The following PLEKHA5 variants were observed in gnomAD, a reference collection of about 807,000 sequenced individuals.
PLEKHA5 encodes the protein pleckstrin homology domain containing A5, also known as pleckstrin homology domain-containing family A member 5.
Under a neutral mutation model 181.9 loss-of-function variants are expected in PLEKHA5, and 55 were observed. That is an observed-to-expected ratio of 0.30 (90% CI 0.24 to 0.38). PLEKHA5 has a LOEUF of 0.38. Among genes scored for constraint, PLEKHA5 ranks in the 10% least tolerant of loss-of-function variants. The pLI is 1.00. For synonymous variants in PLEKHA5, 535 were observed against 529.4 expected, an observed-to-expected ratio of 1.01 and a Z score of -0.15; for missense variants, 1,432 against 1,549.5, an observed-to-expected ratio of 0.92 and a Z score of 1.27.
chr12:19,221,091 C>G (rs949728918), intron 3 of PLEKHA5, among the ~76,000 whole-genome samples: 2 of 152,130 alleles, frequency 1.3e-5, no homozygotes, highest in African/African-American at 4.8e-5. Context: ...TTGGCAGTCT[C>G]TTACTGAAGT....
At chr12:19,290,102 C>T (rs1416146962) in intron 13 of PLEKHA5, among the ~76,000 whole-genome samples, 1 of 151,998 alleles carries the variant, frequency 6.6e-6, no homozygotes, top group African/African-American at 2.4e-5. Flanking sequence ...GCCACCATGC[C>T]TGGCTAATTT....
At chr12:19,320,657 T>C (rs2090410333) in intron 18 of PLEKHA5, 33 bp downstream of exon 18, 2 of 942,094 alleles carry the variant, frequency 2.1e-6, no homozygotes, top group South Asian at 3.7e-5. Flanking sequence ...TGGTCAGTAC[T>C]CTGTCGTATT....
chr12:19,278,188 G>T (rs16915312), intron 11 of PLEKHA5, among the ~76,000 whole-genome samples: 10,925 of 152,188 alleles, frequency 0.072, 529 homozygotes, highest in African/African-American at 0.13. Flanking sequence ...TTCCAAAGAT[G>T]ACAGAAGAGC....
chr12:19,279,250 A>AT (rs1253343451), intron 11 of PLEKHA5, among the ~76,000 whole-genome samples: 1 of 152,134 alleles, frequency 6.6e-6, no homozygotes, highest in Non-Finnish European at 1.5e-5. Context: ...AAATAGAGGG[A>AT]TTTTTTTAAA....
intron 15 of PLEKHA5, chr12:19,306,422 G>A (rs1454781657): frequency 7.2e-6 from 4 of 554,682 alleles, no homozygotes; most frequent in South Asian, 1.5e-5. Flanking sequence ...AGGTGGCGAC[G>A]GCGACTGGAG....
chr12:19,320,207 A>G (rs1255027713), intron 17 of PLEKHA5, among the ~76,000 whole-genome samples, 151 bp downstream of exon 17: 1 of 152,074 alleles, frequency 6.6e-6, no homozygotes, highest in African/African-American at 2.4e-5. Context: ...TAATTTAAGT[A>G]TTTGATTTGA....
At chr12:19,179,828 C>CT (rs931362902) in intron 3 of PLEKHA5, among the ~76,000 whole-genome samples, 1 of 151,942 alleles carries the variant, frequency 6.6e-6, no homozygotes, top group African/African-American at 2.4e-5. Flanking sequence ...CAATAATAAC[C>CT]TTTTTTAGCT....
chr12:19,177,891 G>T (rs1439140853), intron 3 of PLEKHA5, among the ~76,000 whole-genome samples: 2 of 152,206 alleles, frequency 1.3e-5, no homozygotes, highest in Non-Finnish European at 2.9e-5. Context: ...ACTTTTCTGT[G>T]ATGTAGCCAG....
rs575248430 is a variant in PLEKHA5 at position 19,375,878 on chromosome 12, A to T, written c.*359A>T. 308 of 151,892 alleles carry T rather than the reference A, an allele frequency of 2.0e-3. 3 individuals are homozygous for T. Among genetic ancestry groups the T allele is most frequent in the South Asian group, 8.4e-4 (4 of 4,790 alleles). The allele number at this position is 151,892 out of a possible 1,614,324, so 9.4% of individuals were successfully genotyped here. ...TAAGTCTAGGTGAATTTATATATAT[A>T]TTTTTTTGCTTTTCATTTTCTAAAG... On this transcript the variant is annotated 3_prime_UTR_variant, in exon 32 of 32. Transcript: ENST00000429027.
intron 3 of PLEKHA5, among the ~76,000 whole-genome samples, chr12:19,148,898 C>T (rs548482431): frequency 1.3e-5 from 2 of 152,276 alleles, no homozygotes; most frequent in African/African-American, 4.8e-5. Context: ...CAGCCCCTCC[C>T]CTCCATTATT....
At chr12:19,366,913 A>G (rs2095437892) in intron 30 of PLEKHA5, among the ~76,000 whole-genome samples, 1 of 151,988 alleles carries the variant, frequency 6.6e-6, no homozygotes, top group Non-Finnish European at 1.5e-5. Flanking sequence ...ACTCTTCACA[A>G]ATCTTTTCTT....
At chr12:19,157,716 G>A (rs2042080899) in intron 3 of PLEKHA5, among the ~76,000 whole-genome samples, 1 of 152,122 alleles carries the variant, frequency 6.6e-6, no homozygotes, top group African/African-American at 2.4e-5. Flanking sequence ...TCTTGCAAAT[G>A]AGGACCCTAA....
chr12:19,257,386 T>C lies in PLEKHA5; in HGVS notation c.433-47T>C, dbSNP rs780240444. ...TTTAAGAGGAAGATAAGCTCAAATCTCTAGGCATTAATACCACATTTTCTG... is the reference window on the plus strand; with the variant it reads ...TTTAAGAGGAAGATAAGCTCAAATCCCTAGGCATTAATACCACATTTTCTG... On this transcript the variant is annotated intron_variant, in intron 5 of 31. Coordinates refer to ENST00000429027, the MANE Select transcript of PLEKHA5 (RefSeq NM_001256470.2). 3.4e-6 allele frequency: 3 copies of C among 871,236 alleles called. No homozygotes were observed. The South Asian group carries it at 4.5e-5, about 13-fold the overall frequency. The allele number at this position is 871,236 out of a possible 1,614,324, so 54.0% of individuals were successfully genotyped here.
chr12:19,247,555 G>C (rs1023913606), intron 3 of PLEKHA5, among the ~76,000 whole-genome samples: 4 of 151,968 alleles, frequency 2.6e-5, no homozygotes, highest in African/African-American at 4.8e-5. Flanking sequence ...CACTGATTTA[G>C]TCATCTTAAA....
chr12:19,270,033 T>C (rs779619685), intron 9 of PLEKHA5, 148 bp downstream of exon 9: 8 of 625,142 alleles, frequency 1.3e-5, no homozygotes, highest in African/African-American at 7.4e-5. Context: ...ATTCCTGTTC[T>C]GAATTAAATT....
chr12:19,308,818 G>A lies in PLEKHA5; in HGVS notation c.2038-5996G>A, dbSNP rs1197462514. ...TTTTAGCACTTTGGGAGGCCGAAGG[G>A]GGGCAGATCACCTGAGGTAAGGAGT... On this transcript the variant is annotated intron_variant, in intron 15 of 31. Transcript: ENST00000429027. Among the ~76,000 whole-genome samples, 4 of 151,934 alleles carry A rather than the reference G, an allele frequency of 2.6e-5. No homozygotes were observed. The South Asian group carries it at 6.2e-4, about 24-fold the overall frequency.
chr12:19,176,909 G>T (rs1303870791), intron 3 of PLEKHA5, among the ~76,000 whole-genome samples: 1 of 152,032 alleles, frequency 6.6e-6, no homozygotes, highest in African/African-American at 2.4e-5. Flanking sequence ...CTGTCGCCAG[G>T]CTGGAGTGGA....
At chr12:19,320,779 C>A in intron 18 of PLEKHA5, 155 bp downstream of exon 18, 1 of 458,740 alleles carries the variant, frequency 2.2e-6, no homozygotes, top group South Asian at 4.9e-5. Flanking sequence ...AATTATTATT[C>A]CCTGCCCTCT....
intron 3 of PLEKHA5, among the ~76,000 whole-genome samples, chr12:19,174,921 T>C (rs1432422488): frequency 2.6e-5 from 4 of 152,202 alleles, no homozygotes; most frequent in Non-Finnish European, 5.9e-5. Context: ...GTCTTCAAAA[T>C]TGTTTTGTAG....
Sources: gnomAD v4.1 joint callset for allele counts (sites outside exome capture counted in the v4.1 genomes callset) on GRCh38, gnomAD v4.1.1 for gene constraint, MANE v1.5 for transcripts, NCBI Gene and HGNC (gene_info 2026-07-23, HGNC 2026-07-21) for gene names.